The following ERGIC1 variants were observed in gnomAD, a reference collection of about 807,000 sequenced individuals.
The protein encoded by ERGIC1 is endoplasmic reticulum-golgi intermediate compartment 1.
Under a neutral mutation model 38.3 loss-of-function variants are expected in ERGIC1, and 19 were observed. That is an observed-to-expected ratio of 0.50 (90% confidence interval 0.35 to 0.73). ERGIC1 has a LOEUF of 0.73. Ranked by LOEUF, ERGIC1 falls within the 30% of genes least tolerant of loss-of-function variation. The probability of loss-of-function intolerance (pLI) is 0.01; values close to 1 mark genes in which losing one functional copy is unlikely to be tolerated. For missense variants in ERGIC1, 294 were observed against 389.2 expected, an observed-to-expected ratio of 0.76 and a Z score of 2.06; for synonymous variants, 124 against 157.6, an observed-to-expected ratio of 0.79 and a Z score of 1.60.
chr5:172,926,822 A>G lies in ERGIC1; in HGVS notation c.541+253A>G. 1.9e-6 allele frequency: 1 copy of G among 528,790 alleles called. No homozygotes were observed. The highest frequency in any genetic ancestry group is 2.3e-5 in the South Asian group (1 of 44,302). 32.8% of individuals were successfully genotyped at this position (528,790 alleles called of 1,614,324 possible). A position where few individuals can be genotyped will look rare whatever the true frequency, so the allele number is the denominator to read the frequency against. ...CGCACGCACGCAGTGGATACCAGCT[A>G]TTACCATTATTGTTGCTCTCATCAC... On this transcript the variant is annotated intron_variant, in intron 7 of 9. Transcript: ENST00000393784. This position sits in a 1 kb window ranked among gnomAD's most constrained non-coding sequence, Gnocchi z 5.2.
At position 172,893,905 on chromosome 5, in the gene ERGIC1, A is replaced by ATATATGTGTGTGTGTGTG. The variant is rs1173039695; in HGVS notation, c.83-3096_83-3095insATATGTGTGTGTGTGTGT. 4.1e-3 allele frequency among the ~76,000 whole-genome samples: 64 copies of ATATATGTGTGTGTGTGTG among 15,508 alleles called. 2 individuals carry two copies. The highest frequency in any genetic ancestry group is 8.7e-3 in the Non-Finnish European group (41 of 4,690). The allele number at this position is 15,508 out of a possible 152,430, so 10.2% of individuals were successfully genotyped here. A position where few individuals can be genotyped will look rare whatever the true frequency, so the allele number is the denominator to read the frequency against. On this transcript the variant is annotated intron_variant, in intron 2 of 9. Transcript: ENST00000393784. ...TATATATATATATATATATATATAT[A>ATATATGTGTGTGTGTGTG]TGTGTGTGTGTGTGTGTGTGTGTGT... is the stretch of plus-strand genomic sequence containing the variant.
intron 8 of ERGIC1, chr5:172,934,636 GTCAT>G (rs1274050976): frequency 1.2e-5 from 2 of 162,146 alleles, no homozygotes; most frequent in Non-Finnish European, 2.7e-5. Context: ...GGGAGAATGG[GTCAT>G]TCATTCATTC....
intron 1 of ERGIC1, among the ~76,000 whole-genome samples, chr5:172,883,528 T>G (rs1762335610): frequency 6.6e-6 from 1 of 152,160 alleles, no homozygotes; most frequent in African/African-American, 2.4e-5. Flanking sequence ...GCCCCTCACT[T>G]TGGATTTGTT....
intron 1 of ERGIC1, among the ~76,000 whole-genome samples, chr5:172,877,444 A>G (rs866661959): frequency 0.019 from 2,254 of 121,268 alleles, 37 homozygotes; most frequent in Non-Finnish European, 0.028. Context: ...GTGTGTGTAT[A>G]TATATATATA....
In ERGIC1 at chr5:172,884,818, C is replaced by T. The variant is rs1050332325; in HGVS notation, c.21-3881C>T. ...CTAGGAAATGTATGTATATATGATACGTATATATACATGTGCATATTTCAG... is the reference window on the plus strand; with the variant it reads ...CTAGGAAATGTATGTATATATGATATGTATATATACATGTGCATATTTCAG... On this transcript the variant is annotated intron_variant, in intron 1 of 9. Coordinates refer to ENST00000393784, the MANE Select transcript of ERGIC1 (RefSeq NM_001031711.3). 3.9e-5 allele frequency among the ~76,000 whole-genome samples: 6 copies of T among 152,256 alleles called. No individual in the cohort carries two copies. In the South Asian group the frequency reaches 6.2e-4, roughly 16 times the overall value.
chr5:172,905,631 G>A (rs1299811389), intron 3 of ERGIC1, among the ~76,000 whole-genome samples: 9 of 152,192 alleles, frequency 5.9e-5, no homozygotes, highest in African/African-American at 1.4e-4. Flanking sequence ...TGGGAGCCTC[G>A]CTGAATAAGC....
At chr5:172,923,934 A>G in intron 5 of ERGIC1, 71 bp from the exon 6 acceptor site, 1 of 1,357,288 alleles carries the variant, frequency 7.4e-7, no homozygotes. Flanking sequence ...TGGATCACAC[A>G]GGGTGAGGCC....
rs1402250295 is a variant in ERGIC1, at chr5:172,914,697, C to T, written c.251-17C>T. ...GTCTCTGGGTTTGTGACTGTTGTCTCCCTTTGGCTCCTGCAGTGGTTGGGC... is the reference window on the plus strand; with the variant it reads ...GTCTCTGGGTTTGTGACTGTTGTCTTCCTTTGGCTCCTGCAGTGGTTGGGC... On this transcript the variant is annotated splice_polypyrimidine_tract_variant and intron_variant, in intron 4 of 9. Coordinates refer to ENST00000393784, the MANE Select transcript of ERGIC1 (RefSeq NM_001031711.3). 2 of 1,613,980 alleles carry T rather than the reference C, an allele frequency of 1.2e-6. No homozygotes were observed. The highest frequency in any genetic ancestry group is 4.5e-5 in the East Asian group (2 of 44,890).
intron 9 of ERGIC1, among the ~76,000 whole-genome samples, chr5:172,944,568 A>G (rs1456922902): frequency 6.6e-6 from 1 of 152,210 alleles, no homozygotes; most frequent in Non-Finnish European, 1.5e-5. Context: ...CTTGTTGGCC[A>G]GGCTGGTCTC....
chr5:172,890,889 C>T (rs576781084), intron 2 of ERGIC1, among the ~76,000 whole-genome samples: 4 of 152,210 alleles, frequency 2.6e-5, no homozygotes, highest in Non-Finnish European at 5.9e-5. Flanking sequence ...CTTGGGGATC[C>T]GGCTGGGCTT....
At chr5:172,875,023 A>T (rs1359957048) in intron 1 of ERGIC1, among the ~76,000 whole-genome samples, 1 of 152,162 alleles carries the variant, frequency 6.6e-6, no homozygotes, top group Admixed American at 6.5e-5. Flanking sequence ...AGCAAGCCAT[A>T]CAGAGATGCA....
At chr5:172,898,472 G>A (rs938830486) in intron 3 of ERGIC1, 4 of 152,196 alleles carry the variant, frequency 2.6e-5, no homozygotes, top group African/African-American at 9.7e-5. Flanking sequence ...CTTGTTTCTG[G>A]GTATACCTTT....
rs367942365 is a variant in ERGIC1 at position 172,909,757 on chromosome 5, C to T, written c.246C>T (p.Cys82=). 1.2e-5 allele frequency: 20 copies of T among 1,613,908 alleles called. No individual in the cohort carries two copies. In the South Asian group the frequency reaches 1.3e-4, roughly 11 times the overall value. Residue 82 remains cysteine, a synonymous_variant, in exon 4 of 10, where the codon TGC becomes TGT. Coordinates refer to ENST00000393784, the MANE Select transcript of ERGIC1 (RefSeq NM_001031711.3). ...SLNISLPNLH[C]ELVGLDIQDE... The stretch of plus-strand genomic sequence containing the variant: ...ACATCAGTTTACCCAATCTGCACTG[C>T]GAGTGTGAGTACTCCACGCAGCCCC...
chr5:172,884,762 T>G (rs1762376877), intron 1 of ERGIC1, among the ~76,000 whole-genome samples: 1 of 152,234 alleles, frequency 6.6e-6, no homozygotes, highest in Non-Finnish European at 1.5e-5. Context: ...ATTGGGCTGT[T>G]GCTGTTGCTG....
At chr5:172,883,181 TC>T (rs1379840562) in intron 1 of ERGIC1, among the ~76,000 whole-genome samples, 1 of 152,214 alleles carries the variant, frequency 6.6e-6, no homozygotes, top group Non-Finnish European at 1.5e-5. Context: ...TTCAGACTTT[TC>T]CGCCAAACTG....
At chr5:172,867,183 C>A (rs757645929) in intron 1 of ERGIC1, 1 of 455,892 alleles carries the variant, frequency 2.2e-6, no homozygotes, top group South Asian at 1.6e-5. Flanking sequence ...CCTTGGGTGA[C>A]CTTTATCGTG....
intron 9 of ERGIC1, 144 bp downstream of exon 9, chr5:172,935,454 C>T: frequency 1.9e-6 from 2 of 1,038,232 alleles, no homozygotes; most frequent in East Asian, 5.2e-5. Context: ...GCACAGGAGG[C>T]TTCGACCCCA....
At chr5:172,892,583 T>C (rs1231829937) in intron 2 of ERGIC1, among the ~76,000 whole-genome samples, 1 of 152,130 alleles carries the variant, frequency 6.6e-6, no homozygotes, top group African/African-American at 2.4e-5. Context: ...TGGGGTCACA[T>C]TCCTACTGTC....
intron 1 of ERGIC1, among the ~76,000 whole-genome samples, chr5:172,882,487 G>T (rs1316244883): frequency 1.3e-5 from 2 of 152,146 alleles, no homozygotes; most frequent in Non-Finnish European, 2.9e-5. Flanking sequence ...CAGAGTACGG[G>T]CAGTGGAAGG....
Sources: gnomAD v4.1 joint callset for allele counts (sites outside exome capture counted in the v4.1 genomes callset) on GRCh38, gnomAD v4.1.1 for gene constraint, Gnocchi (gnomAD v3.1) non-coding constraint, MANE v1.5 for transcripts, NCBI Gene and HGNC (gene_info 2026-07-23, HGNC 2026-07-21) for gene names.